The following GABRA2 variants were observed in gnomAD, a reference collection of about 807,000 sequenced individuals.
GABRA2 encodes the protein gamma-aminobutyric acid type A receptor subunit alpha2, also known as gamma-aminobutyric acid receptor subunit alpha-2.
GABRA2 carries 16 observed loss-of-function variants against 48.7 expected under a neutral mutation model. The ratio of observed to expected loss-of-function variants is 0.33; its 90% CI spans 0.22 to 0.50. GABRA2 has a LOEUF of 0.50. GABRA2 is among the 20% of genes least tolerant of loss of function. The pLI, the probability that GABRA2 is intolerant of heterozygous loss-of-function variation, is 0.98. For missense variants in GABRA2, 275 were observed against 535.6 expected, an observed-to-expected ratio of 0.51 and a Z score of 4.80; for synonymous variants, 185 against 184.5, an observed-to-expected ratio of 1.00 and a Z score of -0.02.
chr4:46,283,737 T>C (rs1405485413), intron 8 of GABRA2, among the ~76,000 whole-genome samples: 2 of 152,164 alleles, frequency 1.3e-5, no homozygotes, highest in Non-Finnish European at 2.9e-5. Flanking sequence ...GATGTTATTG[T>C]TTGATTCGAG....
chr4:46,354,386 T>C (rs2109924780), intron 3 of GABRA2, among the ~76,000 whole-genome samples: 1 of 152,274 alleles, frequency 6.6e-6, no homozygotes, highest in South Asian at 2.1e-4. Context: ...CATAAAGTAA[T>C]TATCAAAAAA....
intron 8 of GABRA2, among the ~76,000 whole-genome samples, chr4:46,301,407 A>G (rs544248012): frequency 6.6e-6 from 1 of 152,306 alleles, no homozygotes; most frequent in African/African-American, 2.4e-5. Context: ...GGTCCAAAAC[A>G]CCATAGTGAC....
intron 4 of GABRA2, among the ~76,000 whole-genome samples, chr4:46,323,559 T>C (rs1270384482): frequency 4.6e-5 from 7 of 151,920 alleles, no homozygotes; most frequent in Admixed American, 4.0e-4. Context: ...TGTGAGCAAT[T>C]TGAGGGCTAC....
At chr4:46,350,742 T>C (rs993934846) in intron 3 of GABRA2, among the ~76,000 whole-genome samples, 3 of 151,800 alleles carry the variant, frequency 2.0e-5, no homozygotes, top group African/African-American at 7.3e-5. Flanking sequence ...AAAAAAAGAA[T>C]TAAAAAAAAT....
intron 1 of GABRA2, 100 bp from the exon 2 acceptor site, chr4:46,388,816 G>T: frequency 6.4e-7 from 1 of 1,559,740 alleles, no homozygotes; most frequent in Non-Finnish European, 8.7e-7. Flanking sequence ...TTAGGGATTC[G>T]TGTTAAAGCT....
intron 3 of GABRA2, among the ~76,000 whole-genome samples, chr4:46,369,587 G>C (rs1714573484): frequency 6.6e-6 from 1 of 152,020 alleles, no homozygotes; most frequent in African/African-American, 2.4e-5. Flanking sequence ...TATGAGTTTA[G>C]TTCCTAGAAA....
chr4:46,292,464 A>G (rs1396993481), intron 8 of GABRA2, among the ~76,000 whole-genome samples: 1 of 152,202 alleles, frequency 6.6e-6, no homozygotes, highest in Non-Finnish European at 1.5e-5. Context: ...GAAGATGTGT[A>G]GGAGGACCCT....
At chr4:46,250,765 C>T (rs1447188248) in intron 9 of GABRA2, among the ~76,000 whole-genome samples, 161 bp from the exon 10 acceptor site, 1 of 151,436 alleles carries the variant, frequency 6.6e-6, no homozygotes, top group African/African-American at 2.4e-5. Flanking sequence ...TTATTAAATT[C>T]CAAATCCATT....
chr4:46,250,322 C>T lies in GABRA2; in HGVS notation c.1342G>A (p.Gly448Arg). The stretch of plus-strand genomic sequence containing the variant: ...TGGGTCTCAATTCAAGGACTGACCC[C>T]TAATACAGGTTCTCTGTTTAAATAT... The part of the protein sequence containing the change: ...ATYLNREPVL[G>R]VSP Residue 448 changes from glycine to arginine, a missense_variant, in exon 10 of 10, where the codon GGG (glycine) becomes AGG (arginine). Physicochemically the swap from Gly to Arg is moderately radical, Grantham distance 125 (BLOSUM62 -2). Transcript: ENST00000381620. 1 of 1,610,172 alleles carries T rather than the reference C, an allele frequency of 6.2e-7. No individual in the cohort carries two copies.
Position 46,337,650 on chromosome 4 carries a change from C to CAAAAA in GABRA2, c.188-4973_188-4969dup, listed in dbSNP as rs71652880. ...TGGAAGATGATGCCATTGTTAAGAC[C>CAAAAA]AAAAAAAAAAAAAAAAAGAGACTGA... On this transcript the variant is annotated intron_variant, in intron 3 of 9. Transcript: ENST00000381620. Among the ~76,000 whole-genome samples, 258 of 107,662 alleles carry CAAAAA rather than the reference C, an allele frequency of 2.4e-3. 2 individuals carry two copies. Among genetic ancestry groups the CAAAAA allele is most frequent in the Non-Finnish European group, 4.0e-3 (208 of 52,002 alleles). 70.6% of individuals were successfully genotyped at this position (107,662 alleles called of 152,430 possible). A position where few individuals can be genotyped will look rare whatever the true frequency, so the allele number is the denominator to read the frequency against.
At chr4:46,319,632 CTTA>C (rs1343022207) in intron 4 of GABRA2, among the ~76,000 whole-genome samples, 1 of 151,716 alleles carries the variant, frequency 6.6e-6, no homozygotes, top group East Asian at 1.9e-4. Flanking sequence ...TAGTACAAGC[CTTA>C]TTATACAAAG....
At chr4:46,334,939 TAAC>T (rs1221049802) in intron 3 of GABRA2, among the ~76,000 whole-genome samples, 1 of 152,212 alleles carries the variant, frequency 6.6e-6, no homozygotes, top group Non-Finnish European at 1.5e-5. Flanking sequence ...AAGGTATTCT[TAAC>T]AATGAGTTTT....
At chr4:46,265,545 G>A (rs1272038474) in intron 8 of GABRA2, among the ~76,000 whole-genome samples, 1 of 142,620 alleles carries the variant, frequency 7.0e-6, no homozygotes, top group Non-Finnish European at 1.5e-5. Context: ...CTTCTTTCCT[G>A]ATTTTAGTAA....
intron 5 of GABRA2, 23 bp downstream of exon 5, chr4:46,312,473 T>A: frequency 6.7e-7 from 1 of 1,503,486 alleles, no homozygotes; most frequent in Non-Finnish European, 9.2e-7. Flanking sequence ...TATAAATACA[T>A]CACATCAAAC....
chr4:46,254,059 A>C (rs1560431434), intron 9 of GABRA2, among the ~76,000 whole-genome samples: 1 of 151,514 alleles, frequency 6.6e-6, no homozygotes, highest in Non-Finnish European at 1.5e-5. Context: ...ATATATTATT[A>C]ATATTCTTTA....
intron 3 of GABRA2, among the ~76,000 whole-genome samples, chr4:46,379,213 G>A (rs1433312775): frequency 1.3e-5 from 2 of 152,248 alleles, no homozygotes; most frequent in Middle Eastern, 3.4e-3. Flanking sequence ...CGTGTTTCTA[G>A]TTTAACCTAG....
chr4:46,327,795 T>G (rs1183925000), intron 4 of GABRA2, among the ~76,000 whole-genome samples: 2 of 152,058 alleles, frequency 1.3e-5, no homozygotes, highest in African/African-American at 4.8e-5. Flanking sequence ...AAGGTCATAC[T>G]TACCAGACTG....
At chr4:46,250,627 A>G (rs1202134461) in intron 9 of GABRA2, 23 bp from the exon 10 acceptor site, 1 of 1,557,176 alleles carries the variant, frequency 6.4e-7, no homozygotes, top group African/African-American at 1.4e-5. Flanking sequence ...ACAAAAATTA[A>G]CAGAGTGTGG....
intron 1 of GABRA2, chr4:46,389,436 G>A: frequency 1.0e-6 from 1 of 979,118 alleles, no homozygotes; most frequent in Non-Finnish European, 1.2e-6. Flanking sequence ...GGCTCCGGCA[G>A]CAAACACCAG....
Sources: allele counts gnomAD v4.1 joint callset (sites outside exome capture counted in the v4.1 genomes callset), GRCh38; gene constraint gnomAD v4.1.1; transcripts MANE v1.5; gene names NCBI Gene and HGNC (gene_info 2026-07-23, HGNC 2026-07-21).